OXSM: variants seen among roughly 807,000 people sequenced by gnomAD.
OXSM encodes the protein 3-oxoacyl-[acyl-carrier-protein] synthase, mitochondrial.
Under a neutral mutation model 29.2 loss-of-function variants are expected in OXSM, and 19 were observed. The observed-to-expected ratio is 0.65, with a 90% confidence interval of 0.45 to 0.96. The LOEUF is 0.96. Ranked by LOEUF, OXSM falls within the 40% of genes least tolerant of loss-of-function variation. The probability of loss-of-function intolerance (pLI) is 0.00; values close to 1 mark genes in which losing one functional copy is unlikely to be tolerated. For missense variants in OXSM, 554 were observed against 551.3 expected, an observed-to-expected ratio of 1.00 and a Z score of -0.05; for synonymous variants, 178 against 197.1, an observed-to-expected ratio of 0.90 and a Z score of 0.81.
chr3:25,794,235 T>C lies in OXSM; in HGVS notation c.1121T>C (p.Leu374Pro). 1 of 1,614,230 alleles carries C rather than the reference T, an allele frequency of 6.2e-7. No homozygotes were observed. The highest frequency in any genetic ancestry group is 8.5e-7 in the Non-Finnish European group (1 of 1,180,026). The change falls in exon 3 of 3, where the codon CTT (leucine) becomes CCT (proline). Residue 374 changes from leucine (L) to proline (P), a missense_variant. Coordinates refer to ENST00000280701, the MANE Select transcript of OXSM (RefSeq NM_017897.3). ...CTCTTCAAAGACCATGCATATGCCC[T>C]TGCAGTTTCCTCAACTAAGGGAGCA... ...KHLFKDHAYALAVSSTKGATG... is the reference protein window; with the variant it reads ...KHLFKDHAYAPAVSSTKGATG...
chr3:25,792,707 T>G (rs1215427713), intron 2 of OXSM, among the ~76,000 whole-genome samples: 1 of 152,184 alleles, frequency 6.6e-6, no homozygotes, highest in Non-Finnish European at 1.5e-5. Context: ...AGAGATTCTG[T>G]AGTTCTAACA....
rs1426019002 is a variant in OXSM, at chr3:25,790,094, G to A, written c.-85G>A. 5.0e-6 allele frequency: 3 copies of A among 596,384 alleles called. No homozygotes were observed. The highest frequency in any genetic ancestry group is 8.9e-6 in the Non-Finnish European group (3 of 336,822). 36.9% of individuals were successfully genotyped at this position (596,384 alleles called of 1,614,324 possible). A position where few individuals can be genotyped will look rare whatever the true frequency, so the allele number is the denominator to read the frequency against. On this transcript the variant is annotated 5_prime_UTR_variant, in exon 1 of 3. Transcript: ENST00000280701. ...CGTACGTGCGTGTGCGCGTGCGCTC[G>A]AGAGCGTCATCGCCCCCGACTGTGG... is the stretch of plus-strand genomic sequence containing the variant.
At position 25,790,161 on chromosome 3, in the gene OXSM, C is replaced by T. The variant is rs1451856897; in HGVS notation, c.-32+14C>T. The stretch of plus-strand genomic sequence containing the variant: ...GCCCCGTTACAGGTATCGCTGGCTA[C>T]CCTCCTCCTTCGCCCCTCCTTTCCT... On this transcript the variant is annotated intron_variant, in intron 1 of 2. Coordinates refer to ENST00000280701, the MANE Select transcript of OXSM (RefSeq NM_017897.3). 2 of 499,904 alleles carry T rather than the reference C, an allele frequency of 4.0e-6. No individual in the cohort carries two copies. Among genetic ancestry groups the T allele is most frequent in the South Asian group, 3.1e-5 (1 of 32,786 alleles). The allele number at this position is 499,904 out of a possible 1,614,324, so 31.0% of individuals were successfully genotyped here.
rs756289273 is a variant in OXSM, at chr3:25,791,238, T to C, written c.218T>C (p.Ile73Thr). 5 of 1,614,062 alleles carry C rather than the reference T, an allele frequency of 3.1e-6. No homozygotes were observed. The African/African-American group carries it at 4.0e-5, about 13-fold the overall frequency. Residue 73 changes from isoleucine to threonine, a missense_variant, in exon 2 of 3, where the codon ATT becomes ACT. By Grantham distance (89) the Ile-to-Thr change is moderately conservative. Coordinates refer to ENST00000280701, the MANE Select transcript of OXSM (RefSeq NM_017897.3). ...CGTCTTATCGGAGGAGAGAGTGGAATTGTTTCACTGGTTGGTGAAGAGTAT... is the reference window on the plus strand; with the variant it reads ...CGTCTTATCGGAGGAGAGAGTGGAACTGTTTCACTGGTTGGTGAAGAGTAT... ...WDRLIGGESGIVSLVGEEYKS... is the reference protein window; with the variant it reads ...WDRLIGGESGTVSLVGEEYKS...
Position 25,791,805 on chromosome 3 carries a change from T to G in OXSM, c.785T>G (p.Leu262Trp), listed in dbSNP as rs759058561. Residue 262 changes from leucine to tryptophan, a missense_variant, in exon 2 of 3, where the codon TTG becomes TGG. By Grantham distance (61) the Leu-to-Trp change is moderately conservative. Coordinates refer to ENST00000280701, the MANE Select transcript of OXSM (RefSeq NM_017897.3). Reference protein sequence around the residue: ...RALSTNSDPKLACRPFHPKRD... With the variant: ...RALSTNSDPKWACRPFHPKRD... ...CTGAGCACAAACTCAGATCCCAAGTTGGCATGTCGACCATTTCATCCAAAG... is the reference window on the plus strand; with the variant it reads ...CTGAGCACAAACTCAGATCCCAAGTGGGCATGTCGACCATTTCATCCAAAG... 4.3e-6 allele frequency: 7 copies of G among 1,614,002 alleles called. No homozygotes were observed. The highest frequency in any genetic ancestry group is 1.3e-5 in the African/African-American group (1 of 74,916).
In OXSM at chr3:25,793,964, A is replaced by G. The variant is rs1708820212; in HGVS notation, c.978-128A>G. 5.4e-6 allele frequency: 4 copies of G among 746,122 alleles called. No homozygotes were observed. In the East Asian group the frequency reaches 1.1e-4, roughly 20 times the overall value. The allele number at this position is 746,122 out of a possible 1,614,324, so 46.2% of individuals were successfully genotyped here. On this transcript the variant is annotated intron_variant, in intron 2 of 2. Transcript: ENST00000280701. ...TAATCCAAGATAGTGTTCCGTTACT[A>G]GAGCAAGGGATTCTTTTCATCCAGT... is the stretch of plus-strand genomic sequence containing the variant.
In OXSM at chr3:25,791,750, T is replaced by C. The variant is rs753696458; in HGVS notation, c.730T>C (p.Ser244Pro). The C allele has an allele frequency of 1.9e-6, 3 of 1,614,014 alleles. No individual in the cohort carries two copies. In the Admixed American group the frequency reaches 5.0e-5, roughly 27 times the overall value. ...GGTDSCISPL[S>P]LAGFSRARAL... is the part of the protein sequence containing the mutation. ...TACAGATTCTTGTATTAGCCCTTTA[T>C]CTCTTGCTGGGTTTTCCAGAGCCCG... The change falls in exon 2 of 3, where the codon TCT becomes CCT. Residue 244 changes from serine to proline, a missense_variant. By Grantham distance (74) the Ser-to-Pro change is moderately conservative. Transcript: ENST00000280701.
Position 25,791,701 on chromosome 3 carries a change from T to C in OXSM, c.681T>C (p.Asp227=). Reference sequence around the variant, plus strand: ...CATTTAGATTTATAGCCCATGGTGATGCTGATGTGATGGTGGCTGGAGGTA... The same window carrying C: ...CATTTAGATTTATAGCCCATGGTGACGCTGATGTGATGGTGGCTGGAGGTA... ...GDSFRFIAHG[D]ADVMVAGGTD... is the part of the protein sequence containing the mutation. Residue 227 remains aspartate (D), a synonymous_variant, in exon 2 of 3, where the codon GAT becomes GAC. Coordinates refer to ENST00000280701, the MANE Select transcript of OXSM (RefSeq NM_017897.3). The C allele has an allele frequency of 6.2e-7, 1 of 1,614,212 alleles. No homozygotes were observed. The highest frequency in any genetic ancestry group is 1.1e-5 in the South Asian group (1 of 91,090).
Position 25,794,170 on chromosome 3 carries a change from A to G in OXSM, c.1056A>G (p.Thr352=). 6.2e-7 allele frequency: 1 copy of G among 1,614,196 alleles called. No homozygotes were observed. The highest frequency in any genetic ancestry group is 1.7e-5 in the Admixed American group (1 of 60,024). ...ISYINAHATS[T]PLGDAAENKA... ...ATATCAATGCACATGCTACTTCCACACCATTGGGAGATGCTGCTGAAAACA... is the reference window on the plus strand; with the variant it reads ...ATATCAATGCACATGCTACTTCCACGCCATTGGGAGATGCTGCTGAAAACA... Residue 352 remains threonine (T), a synonymous_variant, in exon 3 of 3, where the codon ACA becomes ACG. Transcript: ENST00000280701.
intron 2 of OXSM, among the ~76,000 whole-genome samples, chr3:25,793,738 G>T (rs1708815493): frequency 6.6e-6 from 1 of 152,136 alleles, no homozygotes; most frequent in Non-Finnish European, 1.5e-5. Flanking sequence ...AAAATCCCTA[G>T]AACAAAAATT....
chr3:25,790,311 C>G (rs1437223878), intron 1 of OXSM, among the ~76,000 whole-genome samples, 164 bp downstream of exon 1: 4 of 152,130 alleles, frequency 2.6e-5, no homozygotes, highest in Non-Finnish European at 4.4e-5. Context: ...GCCTGAGAGG[C>G]GATACAGGGA....
At position 25,790,109 on chromosome 3, in the gene OXSM, C is replaced by G; in HGVS notation, c.-70C>G. On this transcript the variant is annotated 5_prime_UTR_variant, in exon 1 of 3. Coordinates refer to ENST00000280701, the MANE Select transcript of OXSM (RefSeq NM_017897.3). The stretch of plus-strand genomic sequence containing the variant: ...GCGTGCGCTCGAGAGCGTCATCGCC[C>G]CCGACTGTGGAGAAGTGTCCGGGGT... 1.7e-6 allele frequency: 1 copy of G among 585,636 alleles called. No individual in the cohort carries two copies. Among genetic ancestry groups the G allele is most frequent in the Non-Finnish European group, 3.0e-6 (1 of 329,460 alleles). The allele number at this position is 585,636 out of a possible 1,614,324, so 36.3% of individuals were successfully genotyped here.
Position 25,791,070 on chromosome 3 carries a change from T to C in OXSM, c.50T>C (p.Leu17Pro), listed in dbSNP as rs1264655924. The change falls in exon 2 of 3, where the codon CTA (leucine) becomes CCA (proline). Residue 17 changes from leucine to proline, a missense_variant. Coordinates refer to ENST00000280701, the MANE Select transcript of OXSM (RefSeq NM_017897.3). Reference protein sequence around the residue: ...NFLKITSTRLLCSRLCQQLRS... With the variant: ...NFLKITSTRLPCSRLCQQLRS... The stretch of plus-strand genomic sequence containing the variant: ...CTGAAAATTACAAGCACTCGTCTTC[T>C]ATGTTCAAGATTATGCCAACAGTTA... 1 of 1,613,892 alleles carries C rather than the reference T, an allele frequency of 6.2e-7. No homozygotes were observed. The highest frequency in any genetic ancestry group is 2.2e-5 in the East Asian group (1 of 44,880).
rs187055987 is a variant in OXSM, at chr3:25,792,020, G to C, written c.977+23G>C. The C allele has an allele frequency of 2.6e-6, 4 of 1,566,856 alleles. No individual in the cohort carries two copies. The South Asian group carries it at 4.6e-5, about 18-fold the overall frequency. On this transcript the variant is annotated intron_variant, in intron 2 of 2. Coordinates refer to ENST00000280701, the MANE Select transcript of OXSM (RefSeq NM_017897.3). ...AAGGTAAAGATGGGTTATTTCCTTC[G>C]AAATATTTCTTCAAATAAGACACTT...
chr3:25,790,911 G>T, intron 1 of OXSM, 79 bp from the exon 2 acceptor site: 1 of 1,040,604 alleles, frequency 9.6e-7, no homozygotes. Flanking sequence ...AGCACCCAAA[G>T]GAACACCTTG....
intron 1 of OXSM, 186 bp downstream of exon 1, chr3:25,790,333 CTT>C (rs1210736191): frequency 5.2e-6 from 1 of 193,170 alleles, no homozygotes; most frequent in Non-Finnish European, 1.1e-5. Context: ...TGGCTACACT[CTT>C]TTACTCCCGC....
chr3:25,793,981 T>A (rs1021762691), intron 2 of OXSM, 111 bp from the exon 3 acceptor site: 19 of 857,238 alleles, frequency 2.2e-5, no homozygotes, highest in Non-Finnish European at 3.2e-5. Context: ...GGGATTCTTT[T>A]CATCCAGTGT....
chr3:25,791,274 C>T lies in OXSM; in HGVS notation c.254C>T (p.Pro85Leu), dbSNP rs1399897647. Residue 85 changes from proline (P) to leucine (L), a missense_variant, in exon 2 of 3, where the codon CCT (proline) becomes CTT (leucine). Coordinates refer to ENST00000280701, the MANE Select transcript of OXSM (RefSeq NM_017897.3). Reference protein sequence around the residue: ...SLVGEEYKSIPCSVAAYVPRG... With the variant: ...SLVGEEYKSILCSVAAYVPRG... ...GTTGGTGAAGAGTATAAGAGTATCC[C>T]TTGCAGTGTTGCTGCTTATGTGCCA... 6.2e-7 allele frequency: 1 copy of T among 1,614,146 alleles called. No homozygotes were observed. Among genetic ancestry groups the T allele is most frequent in the Non-Finnish European group, 8.5e-7 (1 of 1,180,030 alleles).
chr3:25,793,977 C>T, intron 2 of OXSM, 115 bp from the exon 3 acceptor site: 1 of 838,038 alleles, frequency 1.2e-6, no homozygotes, highest in South Asian at 1.8e-5. Context: ...GCAAGGGATT[C>T]TTTTCATCCA....
Sources: allele counts gnomAD v4.1 joint callset (sites outside exome capture counted in the v4.1 genomes callset), GRCh38; gene constraint gnomAD v4.1.1; transcripts MANE v1.5; gene names NCBI Gene and HGNC (gene_info 2026-07-23, HGNC 2026-07-21).